The following TAF4 variants were observed in gnomAD, a reference collection of about 807,000 sequenced individuals.
TAF4 encodes TATA-box binding protein associated factor 4.
Under a neutral mutation model 90.3 loss-of-function variants are expected in TAF4, and 9 were observed. That is an observed-to-expected ratio of 0.10 (90% CI 0.06 to 0.17). The LOEUF is 0.17. TAF4 is among the 10% of genes least tolerant of loss of function. The pLI, the probability that TAF4 is intolerant of heterozygous loss-of-function variation, is 1.00. For missense variants in TAF4, 1,351 were observed against 1,370.7 expected, an observed-to-expected ratio of 0.99 and a Z score of 0.23; for synonymous variants, 818 against 638.9, an observed-to-expected ratio of 1.28 and a Z score of -4.23.
intron 1 of TAF4, among the ~76,000 whole-genome samples, chr20:62,042,646 A>C (rs1296675528): frequency 3.3e-5 from 5 of 152,260 alleles, no homozygotes; most frequent in Admixed American, 1.3e-4. Flanking sequence ...AATGAGCCAC[A>C]GCCCCTGTTG....
chr20:62,057,391 C>T (rs2056070758), intron 1 of TAF4, among the ~76,000 whole-genome samples: 1 of 152,230 alleles, frequency 6.6e-6, no homozygotes, highest in Non-Finnish European at 1.5e-5. Context: ...TACTGCAGGG[C>T]CCTCATTCTA....
At chr20:62,043,275 C>T (rs12151938) in intron 1 of TAF4, among the ~76,000 whole-genome samples, 8,246 of 152,166 alleles carry the variant, frequency 0.054, 328 homozygotes, top group Non-Finnish European at 0.077. Flanking sequence ...GCCATGATTG[C>T]GTCACTGCAC....
intron 1 of TAF4, among the ~76,000 whole-genome samples, chr20:62,057,422 TAGAC>T (rs1197350986): frequency 6.6e-6 from 1 of 152,050 alleles, no homozygotes; most frequent in African/African-American, 2.4e-5. Context: ...TCAAATTTGA[TAGAC>T]AGAAAAAACT....
chr20:61,998,122 C>T lies in TAF4; in HGVS notation c.2970+14G>A, dbSNP rs549685596. 40 of 1,613,828 alleles carry T rather than the reference C, an allele frequency of 2.5e-5. No homozygotes were observed. In the South Asian group the frequency reaches 4.2e-4, roughly 17 times the overall value. On this transcript the variant is annotated intron_variant, in intron 13 of 14. Transcript: ENST00000252996. ...GCAAAGTGCCCACGAGCACTCACGA[C>T]TAACAGGGCTCACCTCCTTTGCCTT...
chr20:62,011,421 T>C (rs1415709428), intron 3 of TAF4, among the ~76,000 whole-genome samples: 2 of 152,166 alleles, frequency 1.3e-5, no homozygotes, highest in African/African-American at 4.8e-5. Flanking sequence ...CTAAGTATAA[T>C]GCAAAAACTT....
chr20:62,057,182 C>T (rs1377998220), intron 1 of TAF4, among the ~76,000 whole-genome samples: 1 of 152,230 alleles, frequency 6.6e-6, no homozygotes, highest in Non-Finnish European at 1.5e-5. Flanking sequence ...ACCGGCAGCA[C>T]CTCTGCCCAC....
At chr20:62,061,760 G>A (rs2056089966) in intron 1 of TAF4, among the ~76,000 whole-genome samples, 1 of 152,176 alleles carries the variant, frequency 6.6e-6, no homozygotes, top group Non-Finnish European at 1.5e-5. Context: ...ACTAAAGACT[G>A]AGTTTTCTCA....
chr20:61,986,026 C>A (rs1396767755), intron 14 of TAF4, among the ~76,000 whole-genome samples: 1 of 137,356 alleles, frequency 7.3e-6, no homozygotes, highest in Admixed American at 7.2e-5. Flanking sequence ...CATCCCCCAT[C>A]AAAGGAAACA....
Position 62,065,720 on chromosome 20 carries a change from A to G in TAF4, c.91T>C (p.Ser31Pro). The G allele has an allele frequency of 7.7e-7, 1 of 1,292,364 alleles. No individual in the cohort carries two copies. Among genetic ancestry groups the G allele is most frequent in the Non-Finnish European group, 1.0e-6 (1 of 1,002,138 alleles). The allele number at this position is 1,292,364 out of a possible 1,614,324, so 80.1% of individuals were successfully genotyped here. A position where few individuals can be genotyped will look rare whatever the true frequency, so the allele number is the denominator to read the frequency against. ...TGGGCCGCGCTGGCCGCCAGCTGCGACTCCAGCGAGCCCACCAGGTCGCTC... is the reference window on the plus strand; with the variant it reads ...TGGGCCGCGCTGGCCGCCAGCTGCGGCTCCAGCGAGCCCACCAGGTCGCTC... ...VVSDLVGSLE[S>P]QLAASAAHHH... Residue 31 changes from serine to proline, a missense_variant, in exon 1 of 15, where the codon TCG (serine) becomes CCG (proline). By Grantham distance (74) the Ser-to-Pro change is moderately conservative. Transcript: ENST00000252996.
chr20:62,030,738 G>C (rs996204336), intron 1 of TAF4, among the ~76,000 whole-genome samples: 3 of 152,176 alleles, frequency 2.0e-5, no homozygotes, highest in African/African-American at 7.2e-5. Flanking sequence ...CAATAATGTT[G>C]AATTGTCTTA....
intron 14 of TAF4, 144 bp downstream of exon 14, chr20:61,997,406 A>G (rs2055669817): frequency 4.5e-6 from 5 of 1,106,048 alleles, no homozygotes; most frequent in Non-Finnish European, 5.9e-6. Flanking sequence ...GTCAAACGTA[A>G]AACAAATACT....
chr20:62,046,567 G>A (rs991922972), intron 1 of TAF4, among the ~76,000 whole-genome samples: 4 of 152,202 alleles, frequency 2.6e-5, no homozygotes, highest in African/African-American at 7.2e-5. Flanking sequence ...CTCACCATAC[G>A]GATCTATCAC....
Position 62,010,376 on chromosome 20 carries a change from G to T in TAF4, c.1642-211C>A, listed in dbSNP as rs1033451518. On this transcript the variant is annotated intron_variant, in intron 3 of 14. Coordinates refer to ENST00000252996, the MANE Select transcript of TAF4 (RefSeq NM_003185.4). The surrounding 1 kb of genome is among the most constrained non-coding windows in gnomAD (Gnocchi z 4.5). ...TGCCCTGACGATCGCAGTCCTGAGC[G>T]GGTGAGGAAGGCATGATTTGCACCT... 6.6e-6 allele frequency among the ~76,000 whole-genome samples: 1 copy of T among 152,122 alleles called. No homozygotes were observed. Among genetic ancestry groups the T allele is most frequent in the Non-Finnish European group, 1.5e-5 (1 of 68,022 alleles).
chr20:61,998,927 A>G (rs2296082), intron 12 of TAF4, 56 bp downstream of exon 12: 838,225 of 1,595,434 alleles, frequency 0.53, 225,469 homozygotes, highest in Middle Eastern at 0.65. Flanking sequence ...TGAGCTCATC[A>G]GGTTGTGGCT....
intron 14 of TAF4, among the ~76,000 whole-genome samples, chr20:61,994,127 A>G (rs577015194): frequency 6.6e-6 from 1 of 152,084 alleles, no homozygotes; most frequent in Non-Finnish European, 1.5e-5. Flanking sequence ...AAGGCTAATC[A>G]ATATCTTTCA....
chr20:62,064,935 G>T lies in TAF4; in HGVS notation c.876C>A (p.Thr292=). The change falls in exon 1 of 15, where the codon ACC becomes ACA. Residue 292 remains threonine (T), a synonymous_variant. Coordinates refer to ENST00000252996, the MANE Select transcript of TAF4 (RefSeq NM_003185.4). ...CGGGGGGCGGCACGGCGGGCGCGGC[G>T]GTCGGGGGTCCGGCGGGGTGGCCGG... ...RPPGHPAGPP[T]AAPAVPPPAA... is the part of the protein sequence containing the mutation. 2 of 578,584 alleles carry T rather than the reference G, an allele frequency of 3.5e-6. No individual in the cohort carries two copies. Among genetic ancestry groups the T allele is most frequent in the South Asian group, 7.4e-5 (1 of 13,590 alleles). The allele number at this position is 578,584 out of a possible 1,614,324, so 35.8% of individuals were successfully genotyped here.
Position 61,999,112 on chromosome 20 carries a change from T to A in TAF4, c.2788-4A>T, listed in dbSNP as rs773943691. ...CCTGCTCATATCTGTCGTCATCCTA[T>A]GAAGAAAGTTAAAATACTGCTTGTC... On this transcript the variant is annotated splice_region_variant and splice_polypyrimidine_tract_variant and intron_variant, in intron 11 of 14. Coordinates refer to ENST00000252996, the MANE Select transcript of TAF4 (RefSeq NM_003185.4). The A allele has an allele frequency of 1.9e-6, 3 of 1,613,850 alleles. No individual in the cohort carries two copies. Among genetic ancestry groups the A allele is most frequent in the Non-Finnish European group, 8.5e-7 (1 of 1,179,962 alleles).
chr20:62,026,743 T>C (rs968276364), intron 1 of TAF4, among the ~76,000 whole-genome samples: 1 of 152,136 alleles, frequency 6.6e-6, no homozygotes, highest in African/African-American at 2.4e-5. Flanking sequence ...AAATGGGGCC[T>C]CCACCAACCC....
rs2056122641 is a variant in TAF4 at position 62,065,284 on chromosome 20, GGCC to G, written c.524_526del (p.Gly175_Pro176delinsAla). On this transcript the variant is annotated inframe_deletion, in exon 1 of 15. Coordinates refer to ENST00000252996, the MANE Select transcript of TAF4 (RefSeq NM_003185.4). The stretch of plus-strand genomic sequence containing the variant: ...AGGGCCGGGGCCGGGGCCGGGGCCG[GGCC>G]CGGGGCCGGGGCCGGCGCGGGCGGC... 1 of 923,260 alleles carries G rather than the reference GGCC, an allele frequency of 1.1e-6. No homozygotes were observed. The highest frequency in any genetic ancestry group is 1.9e-5 in the African/African-American group (1 of 52,572). 57.2% of individuals were successfully genotyped at this position (923,260 alleles called of 1,614,324 possible). A position where few individuals can be genotyped will look rare whatever the true frequency, so the allele number is the denominator to read the frequency against.
Sources: gnomAD v4.1 joint callset for allele counts (sites outside exome capture counted in the v4.1 genomes callset) on GRCh38, gnomAD v4.1.1 for gene constraint, Gnocchi (gnomAD v3.1) non-coding constraint, MANE v1.5 for transcripts, NCBI Gene and HGNC (gene_info 2026-07-23, HGNC 2026-07-21) for gene names.